Variants in CHRDL1 observed in about 807,000 individuals in gnomAD.
The protein encoded by CHRDL1 is chordin like 1, also known as chordin-like protein 1.
Under a neutral mutation model 40.9 loss-of-function variants are expected in CHRDL1, and 19 were observed. The ratio of observed to expected loss-of-function variants is 0.46; its 90% CI spans 0.32 to 0.68. The LOEUF (loss-of-function observed/expected upper bound fraction) is 0.68. CHRDL1 is among the 30% of genes least tolerant of loss of function. The probability of loss-of-function intolerance (pLI) is 0.03; values close to 1 mark genes in which losing one functional copy is unlikely to be tolerated. For missense variants in CHRDL1, 329 were observed against 352.1 expected (o/e 0.93, Z 0.53); for synonymous variants, 136 against 123.4 (o/e 1.10, Z -0.68).
chrX:110,775,575 A>G (rs1239497717), intron 2 of CHRDL1, among the ~76,000 whole-genome samples: 1 of 111,768 alleles, frequency 8.9e-6, no homozygotes, highest in Non-Finnish European at 1.9e-5. Context: ...AATGTACACA[A>G]TAGAACTTAT....
chrX:110,739,998 C>G (rs1274233977), intron 4 of CHRDL1, among the ~76,000 whole-genome samples: 1 of 112,659 alleles, frequency 8.9e-6, no homozygotes, highest in African/African-American at 3.2e-5. Context: ...GATCCAACGG[C>G]ATGTAAGACC....
intron 2 of CHRDL1, among the ~76,000 whole-genome samples, chrX:110,783,661 G>C (rs973351302): frequency 3.6e-5 from 4 of 111,769 alleles, no homozygotes; most frequent in Admixed American, 9.5e-5. Flanking sequence ...CAACTAACTT[G>C]TGAGATGGAC....
intron 9 of CHRDL1, among the ~76,000 whole-genome samples, chrX:110,688,316 A>G (rs1029834026): frequency 9.0e-5 from 10 of 111,588 alleles, no homozygotes; most frequent in African/African-American, 2.9e-4. Context: ...TATCATCATG[A>G]TAGCCTAAAT....
intron 6 of CHRDL1, among the ~76,000 whole-genome samples, chrX:110,707,145 G>T (rs1375464170): frequency 1.8e-5 from 2 of 111,634 alleles, no homozygotes; most frequent in Non-Finnish European, 3.8e-5. Flanking sequence ...TGCTGGGAGG[G>T]AGCAAGTGTG....
chrX:110,690,974 C>T (rs2070263088), intron 8 of CHRDL1, among the ~76,000 whole-genome samples: 1 of 110,582 alleles, frequency 9.0e-6, no homozygotes, highest in South Asian at 4.0e-4. Context: ...CTTTGGGAGG[C>T]CGAGGCAGGA....
intron 10 of CHRDL1, among the ~76,000 whole-genome samples, chrX:110,680,446 G>T: frequency 9.0e-6 from 1 of 111,480 alleles, no homozygotes; most frequent in Non-Finnish European, 1.9e-5. Flanking sequence ...TTGTCTAAAG[G>T]GAGAGAAAAA....
intron 6 of CHRDL1, among the ~76,000 whole-genome samples, chrX:110,705,322 T>C (rs1290923008): frequency 4.8e-5 from 4 of 83,424 alleles, no homozygotes; most frequent in Non-Finnish European, 8.5e-5. Context: ...CACATATATA[T>C]ATACACACAT....
intron 4 of CHRDL1, among the ~76,000 whole-genome samples, chrX:110,758,122 C>CAAAAAAAACAAAAAAA (rs199672978): frequency 1.1e-5 from 1 of 93,993 alleles, no homozygotes; most frequent in Non-Finnish European, 2.1e-5. Context: ...AAACAAAAAA[C>CAAAAAAAACAAAAAAA]AAAAAAACAA....
intron 6 of CHRDL1, 52 bp downstream of exon 6, chrX:110,719,783 T>C (rs998597504): frequency 2.6e-6 from 2 of 775,034 alleles, no homozygotes; most frequent in African/African-American, 4.2e-5. Flanking sequence ...CTTTCTAAAT[T>C]CTACTACACA....
chrX:110,727,160 C>T (rs1415358591), intron 4 of CHRDL1, among the ~76,000 whole-genome samples: 2 of 111,835 alleles, frequency 1.8e-5, no homozygotes. Context: ...GTATCAACTG[C>T]ATCAATAAGG....
chrX:110,693,575 G>C (rs777234058), intron 8 of CHRDL1, among the ~76,000 whole-genome samples: 204 of 110,023 alleles, frequency 1.9e-3, no homozygotes, highest in African/African-American at 6.6e-3. Flanking sequence ...AGCCTGGTTT[G>C]AACCCCTGGC....
At chrX:110,681,399 G>C (rs2069893340) in intron 10 of CHRDL1, 83 bp downstream of exon 10, 1 of 862,849 alleles carries the variant, frequency 1.2e-6, no homozygotes, top group Non-Finnish European at 1.7e-6. Flanking sequence ...TGAGGGAACA[G>C]GTTGAAGCAA....
chrX:110,723,369 G>A (rs755313182), intron 4 of CHRDL1, among the ~76,000 whole-genome samples: 4 of 111,684 alleles, frequency 3.6e-5, no homozygotes, highest in Admixed American at 1.9e-4. Flanking sequence ...AATAATACAC[G>A]AATAGATACC....
At chrX:110,729,845 T>C (rs746654665) in intron 4 of CHRDL1, among the ~76,000 whole-genome samples, 2 of 112,426 alleles carry the variant, frequency 1.8e-5, no homozygotes, top group Non-Finnish European at 3.8e-5. Flanking sequence ...ATCTATAAAA[T>C]TGGGATGATA....
At chrX:110,746,137 C>T (rs2089245878) in intron 4 of CHRDL1, among the ~76,000 whole-genome samples, 1 of 111,189 alleles carries the variant, frequency 9.0e-6, no homozygotes, top group African/African-American at 3.3e-5. Context: ...GTGTGCTGAT[C>T]CTCCCTGGTT....
chrX:110,741,197 C>T (rs197039), intron 4 of CHRDL1, among the ~76,000 whole-genome samples: 12,335 of 111,550 alleles, frequency 0.11, 1,656 homozygotes, highest in African/African-American at 0.38. Context: ...GCTTCAGGCC[C>T]TGTTAGAGTC....
At chrX:110,691,424 C>T (rs917692660) in intron 8 of CHRDL1, among the ~76,000 whole-genome samples, 9 of 110,564 alleles carry the variant, frequency 8.1e-5, no homozygotes, top group African/African-American at 2.6e-4. Flanking sequence ...TTTGAGAGTG[C>T]TGAGACATTG....
In CHRDL1 at chrX:110,676,114, A is replaced by G; in HGVS notation, c.*117T>C. 4 of 748,258 alleles carry G rather than the reference A, an allele frequency of 5.3e-6. No homozygotes were observed. Among genetic ancestry groups the G allele is most frequent in the Non-Finnish European group, 7.8e-6 (4 of 513,239 alleles). The allele number at this position is 748,258 out of a possible 1,213,427, so 61.7% of individuals were successfully genotyped here. A position where few individuals can be genotyped will look rare whatever the true frequency, so the allele number is the denominator to read the frequency against. On this transcript the variant is annotated 3_prime_UTR_variant, in exon 12 of 12. Coordinates refer to ENST00000372042, the MANE Select transcript of CHRDL1 (RefSeq NM_001143981.2). ...AATTATGCTGTGCATGGCGTGAATAATTGACTGCATTTGAGTTTGGAGTTT... is the reference window on the plus strand; with the variant it reads ...AATTATGCTGTGCATGGCGTGAATAGTTGACTGCATTTGAGTTTGGAGTTT...
Position 110,705,945 on chromosome X carries a change from T to C in CHRDL1, c.542-5224A>G, listed in dbSNP as rs1331173659. ...AAACTTCAATGTTCTATTAAGTCTATTAAGTAGCTGCTAAACGTTTTAACA... is the reference window on the plus strand; with the variant it reads ...AAACTTCAATGTTCTATTAAGTCTACTAAGTAGCTGCTAAACGTTTTAACA... On this transcript the variant is annotated intron_variant, in intron 6 of 11. Coordinates refer to ENST00000372042, the MANE Select transcript of CHRDL1 (RefSeq NM_001143981.2). 3.6e-5 allele frequency among the ~76,000 whole-genome samples: 4 copies of C among 110,776 alleles called. No homozygotes were observed. The East Asian group carries it at 1.1e-3, about 31-fold the overall frequency.
Sources: allele counts gnomAD v4.1 joint callset (sites outside exome capture counted in the v4.1 genomes callset), GRCh38; gene constraint gnomAD v4.1.1; transcripts MANE v1.5; gene names NCBI Gene and HGNC (gene_info 2026-07-23, HGNC 2026-07-21).